Variants in RAPGEF3 observed in about 807,000 individuals in gnomAD.
RAPGEF3 encodes the protein 9330170P05Rik.
In RAPGEF3, 103 loss-of-function variants were observed where a neutral mutation model predicts 129.8. That is an observed-to-expected ratio of 0.79 (90% CI 0.68 to 0.93). RAPGEF3 has a LOEUF of 0.93. Ranked by LOEUF, RAPGEF3 falls within the 40% of genes least tolerant of loss-of-function variation. The pLI, the probability that RAPGEF3 is intolerant of heterozygous loss-of-function variation, is 0.00. For missense variants in RAPGEF3, 1,117 were observed against 1,207.4 expected (o/e 0.93, Z 1.11); for synonymous variants, 436 against 482.6 (o/e 0.90, Z 1.26).
At chr12:47,747,690 G>C in intron 14 of RAPGEF3, 22 bp downstream of exon 14, 1 of 1,611,404 alleles carries the variant, frequency 6.2e-7, no homozygotes, top group Non-Finnish European at 8.5e-7. Flanking sequence ...GCCCAGCCCC[G>C]CTGTGCCTCA....
Position 47,743,670 on chromosome 12 carries a change from T to C in RAPGEF3, c.1685A>G (p.Tyr562Cys), listed in dbSNP as rs748096159. Residue 562 changes from tyrosine (Y) to cysteine (C), a missense_variant, in exon 18 of 28, where the codon TAT (tyrosine) becomes TGT (cysteine). Around this residue, in one of 3 missense-constraint regions of RAPGEF3, gnomAD observed 643 missense variants for 673.4 expected, o/e 0.95. Transcript: ENST00000449771. ...CAIQVGDKVPYDICRPDHSVL... is the reference protein window; with the variant it reads ...CAIQVGDKVPCDICRPDHSVL... ...TGAGTGGTCTGGCCGGCAGATGTCA[T>C]AGGGGACTGAAGAGGAGACCAGACT... is the stretch of plus-strand genomic sequence containing the variant. 5.0e-6 allele frequency: 8 copies of C among 1,607,758 alleles called. No homozygotes were observed. The highest frequency in any genetic ancestry group is 1.6e-4 in the Middle Eastern group (1 of 6,068).
At chr12:47,748,757 G>T in intron 11 of RAPGEF3, 62 bp downstream of exon 11, 1 of 1,302,882 alleles carries the variant, frequency 7.7e-7, no homozygotes, top group South Asian at 1.2e-5. Context: ...CAGGGGAAGG[G>T]AGCAAAGATT....
At chr12:47,741,215 A>G in intron 19 of RAPGEF3, 175 bp from the exon 20 acceptor site, 1 of 863,138 alleles carries the variant, frequency 1.2e-6, no homozygotes, top group Non-Finnish European at 1.7e-6. Context: ...AGGGCTCCCC[A>G]GTGCTGAGAC....
Position 47,751,924 on chromosome 12 carries a change from G to A in RAPGEF3, c.265C>T (p.Leu89=). The change falls in exon 3 of 28, where the codon CTG becomes TTG. Residue 89 remains leucine, a synonymous_variant. Coordinates refer to ENST00000449771, the MANE Select transcript of RAPGEF3 (RefSeq NM_001098531.4). ...SEESLDFSES[L]EQASTERVLR... ...CCTGCCCAGGCTTCTACCTGCTCCAGGCTCTCGCTGAAATCCAGGGACTCC... is the reference window on the plus strand; with the variant it reads ...CCTGCCCAGGCTTCTACCTGCTCCAAGCTCTCGCTGAAATCCAGGGACTCC... 6.2e-7 allele frequency: 1 copy of A among 1,614,182 alleles called. No homozygotes were observed.
At chr12:47,747,477 G>T in intron 15 of RAPGEF3, 67 bp downstream of exon 15, 4 of 1,507,044 alleles carry the variant, frequency 2.7e-6, no homozygotes, top group Non-Finnish European at 2.8e-6. Context: ...ACTCCAGAGC[G>T]TATGCTCTTG....
At chr12:47,756,995 A>C (rs1942106059) in intron 2 of RAPGEF3, among the ~76,000 whole-genome samples, 1 of 151,886 alleles carries the variant, frequency 6.6e-6, no homozygotes, top group Non-Finnish European at 1.5e-5. Context: ...GAAAAGAAAA[A>C]AGAAATGAAC....
Position 47,758,095 on chromosome 12 carries a change from A to G in RAPGEF3, c.7-17T>C, listed in dbSNP as rs1255622513. ...CCAGCCCACCTGTGACACGGGGAGG[A>G]AAGTGGACAGCCATGGGACACGACT... On this transcript the variant is annotated splice_polypyrimidine_tract_variant and intron_variant, in intron 1 of 27. Coordinates refer to ENST00000449771, the MANE Select transcript of RAPGEF3 (RefSeq NM_001098531.4). 6 of 1,553,042 alleles carry G rather than the reference A, an allele frequency of 3.9e-6. No homozygotes were observed. The African/African-American group carries it at 4.1e-5, about 11-fold the overall frequency.
At chr12:47,739,797 C>T (rs1592535715) in intron 23 of RAPGEF3, 1 of 439,582 alleles carries the variant, frequency 2.3e-6, no homozygotes, top group African/African-American at 2.0e-5. Flanking sequence ...CCATGCCAGG[C>T]CCTTGGGCTC....
At chr12:47,748,685 G>T in intron 11 of RAPGEF3, 134 bp downstream of exon 11, 1 of 1,007,874 alleles carries the variant, frequency 9.9e-7, no homozygotes, top group South Asian at 1.4e-5. Flanking sequence ...TGGCTCAGCA[G>T]GCACATCCTG....
intron 19 of RAPGEF3, 107 bp downstream of exon 19, chr12:47,741,398 G>A: frequency 9.1e-7 from 1 of 1,101,878 alleles, no homozygotes; most frequent in East Asian, 2.4e-5. Context: ...AGCAGCCAGA[G>A]CCAGGCCCCT....
intron 16 of RAPGEF3, chr12:47,745,100 C>G (rs1352386441): frequency 2.0e-5 from 3 of 152,688 alleles, no homozygotes; most frequent in Non-Finnish European, 4.4e-5. Context: ...GAAGATTCTT[C>G]TTTGAAGTGG....
intron 2 of RAPGEF3, 124 bp downstream of exon 2, chr12:47,757,742 G>T (rs536547017): frequency 2.9e-5 from 26 of 907,308 alleles, no homozygotes; most frequent in Non-Finnish European, 3.9e-5. Flanking sequence ...CAGTGTCCAC[G>T]GCAGCTGTAC....
chr12:47,758,227 G>C, intron 1 of RAPGEF3, 149 bp from the exon 2 acceptor site: 1 of 1,435,948 alleles, frequency 7.0e-7, no homozygotes, highest in Non-Finnish European at 9.1e-7. Context: ...CTGGGGGGAG[G>C]AACAGGAAGA....
Position 47,747,749 on chromosome 12 carries a change from A to G in RAPGEF3, c.1436T>C (p.Met479Thr), listed in dbSNP as rs1486658053. ...VSQWVALYGS[M>T]LHTDPVATSF... ...GGTGGCCACAGGGTCAGTGTGGAGC[A>G]TGGAGCCATACAGGGCCACCCACTG... is the stretch of plus-strand genomic sequence containing the variant. The change falls in exon 14 of 28, where the codon ATG (methionine) becomes ACG (threonine). Residue 479 changes from methionine to threonine, a missense_variant. This residue lies in a region of RAPGEF3 where 643 missense variants were observed against 673.4 expected (regional missense o/e 0.95). Transcript: ENST00000449771. 1 of 1,609,846 alleles carries G rather than the reference A, an allele frequency of 6.2e-7. No individual in the cohort carries two copies. Among genetic ancestry groups the G allele is most frequent in the Non-Finnish European group, 8.5e-7 (1 of 1,179,986 alleles).
At position 47,757,956 on chromosome 12, in the gene RAPGEF3, C is replaced by G. The variant is rs867860155; in HGVS notation, c.129G>C (p.Met43Ile). ...GGGGCCGGTGCATCCTTCTCAACAC[C>G]ATGTTGAGTAGTGTCCCCTCCGGCA... ...DVVPEGTLLN[M>I]VLRRMHRPRS... is the part of the protein sequence containing the mutation. The change falls in exon 2 of 28, where the codon ATG becomes ATC. Residue 43 changes from methionine to isoleucine, a missense_variant. Physicochemically the swap from Met to Ile is conservative, Grantham distance 10. Transcript: ENST00000449771. 1.3e-6 allele frequency: 2 copies of G among 1,560,898 alleles called. No individual in the cohort carries two copies. The highest frequency in any genetic ancestry group is 1.7e-6 in the Non-Finnish European group (2 of 1,152,094).
rs537617576 is a variant in RAPGEF3 at position 47,735,718 on chromosome 12, T to G, written c.*1849A>C. 5 of 152,632 alleles carry G rather than the reference T, an allele frequency of 3.3e-5. No homozygotes were observed. The highest frequency in any genetic ancestry group is 3.3e-4 in the Admixed American group (5 of 15,302). 9.5% of individuals were successfully genotyped at this position (152,632 alleles called of 1,614,324 possible). ...TGGAGGACACCGGCCCCCGTGGCAC[T>G]TGGTTTCTGTTGTGTCGCTGGGCTG... On this transcript the variant is annotated 3_prime_UTR_variant, in exon 28 of 28. Transcript: ENST00000449771.
Position 47,758,156 on chromosome 12 carries a change from G to T in RAPGEF3, c.7-78C>A, listed in dbSNP as rs940500465. ...GGCCACAGTACAACTGCCCCAGGCA[G>T]AACTACTTCCTTAGAGTCCTCTGGA... On this transcript the variant is annotated intron_variant, in intron 1 of 27. Coordinates refer to ENST00000449771, the MANE Select transcript of RAPGEF3 (RefSeq NM_001098531.4). 1.5e-5 allele frequency: 22 copies of T among 1,499,086 alleles called. No individual in the cohort carries two copies. In the Admixed American group the frequency reaches 3.7e-4, roughly 25 times the overall value. The allele number at this position is 1,499,086 out of a possible 1,614,324, so 92.9% of individuals were successfully genotyped here.
rs1203094639 is a variant in RAPGEF3 at position 47,741,023 on chromosome 12, C to T, written c.1941G>A (p.Gln647=). 6.2e-7 allele frequency: 1 copy of T among 1,612,614 alleles called. No individual in the cohort carries two copies. Among genetic ancestry groups the T allele is most frequent in the African/African-American group, 1.3e-5 (1 of 74,932 alleles). ...CAGCAGAGCCCACAGTGGGCCCCAG[C>T]TGGTCAGGGTGTGGGATCTGCGGGT... is the stretch of plus-strand genomic sequence containing the variant. ...EVHELIPHPD[Q]LGPTVGSAEG... Residue 647 remains glutamine, a synonymous_variant, in exon 20 of 28, where the codon CAG becomes CAA. Transcript: ENST00000449771.
intron 27 of RAPGEF3, 27 bp downstream of exon 27, chr12:47,737,995 G>GGCCCC: frequency 6.8e-7 from 1 of 1,464,122 alleles, no homozygotes; most frequent in Non-Finnish European, 9.5e-7. Context: ...CCCCCTCCCT[G>GGCCCC]CCCACCCACC....
Sources: allele counts gnomAD v4.1 joint callset (sites outside exome capture counted in the v4.1 genomes callset), GRCh38; gene constraint gnomAD v4.1.1; regional missense constraint gnomAD v4.1.1; transcripts MANE v1.5; gene names NCBI Gene and HGNC (gene_info 2026-07-23, HGNC 2026-07-21).